The following SYNE2 variants were observed in gnomAD, a reference collection of about 807,000 sequenced individuals.
SYNE2 encodes spectrin repeat containing nuclear envelope protein 2, also known as nesprin-2.
A neutral mutation model predicts 856.3 loss-of-function variants in SYNE2; 431 were observed. The ratio of observed to expected loss-of-function variants is 0.50; its 90% CI spans 0.47 to 0.55. The LOEUF is 0.55. Among genes scored for constraint, SYNE2 ranks in the 20% least tolerant of loss-of-function variants. The pLI is 0.00. For missense variants in SYNE2, 8,129 were observed against 8,023.2 expected (o/e 1.01, Z -0.50); for synonymous variants, 2,923 against 2,872.3 (o/e 1.02, Z -0.56).
At chr14:63,776,960 GCAAA>G (rs949785138) in intron 1 of SYNE2, among the ~76,000 whole-genome samples, 2 of 152,152 alleles carry the variant, frequency 1.3e-5, no homozygotes, top group South Asian at 2.1e-4. Context: ...TCTTCTATAG[GCAAA>G]CAAACTAAAA....
chr14:63,890,309 T>A (rs1173221371), intron 1 of SYNE2, among the ~76,000 whole-genome samples: 1 of 152,038 alleles, frequency 6.6e-6, no homozygotes, highest in Non-Finnish European at 1.5e-5. Flanking sequence ...GTGATCCACC[T>A]GCCTCAGCCT....
intron 85 of SYNE2, among the ~76,000 whole-genome samples, chr14:64,155,344 G>C (rs2153707841): frequency 6.6e-6 from 1 of 152,102 alleles, no homozygotes; most frequent in Non-Finnish European, 1.5e-5. Context: ...GTGAGTGAAA[G>C]ACGCCAGTCA....
intron 2 of SYNE2, among the ~76,000 whole-genome samples, chr14:63,914,925 G>A (rs2095516787): frequency 6.6e-6 from 1 of 152,116 alleles, no homozygotes; most frequent in South Asian, 2.1e-4. Flanking sequence ...TTACAGGCAT[G>A]TGCCACCACG....
intron 1 of SYNE2, among the ~76,000 whole-genome samples, chr14:63,811,401 T>C (rs1461291226): frequency 6.6e-6 from 1 of 152,080 alleles, no homozygotes; most frequent in African/African-American, 2.4e-5. Context: ...CCCACAGGTG[T>C]GCATCACCAT....
At chr14:63,986,400 A>T in intron 18 of SYNE2, 56 bp from the exon 19 acceptor site, 1 of 1,597,038 alleles carries the variant, frequency 6.3e-7, no homozygotes, top group South Asian at 1.1e-5. Context: ...GAAAAGGAAA[A>T]TTATTTTGTT....
In SYNE2 at chr14:64,220,615, G is replaced by A. The variant is rs761684738; in HGVS notation, c.20039G>A (p.Arg6680Gln). 39 of 1,613,904 alleles carry A rather than the reference G, an allele frequency of 2.4e-5. No homozygotes were observed. The highest frequency in any genetic ancestry group is 3.0e-5 in the Non-Finnish European group (35 of 1,180,022). ...GAVDSWRGGL[R>Q]QSLMQCQDFH... ...GTGGACAGCTGGAGAGGGGGCTTAC[G>A]ACAGTCGCTCATGCAGTGCCAGGTA... The change falls in exon 111 of 116, where the codon CGA (arginine) becomes CAA (glutamine). Residue 6680 changes from arginine (R) to glutamine (Q), a missense_variant. Coordinates refer to ENST00000555002, the MANE Select transcript of SYNE2 (RefSeq NM_182914.3).
intron 1 of SYNE2, among the ~76,000 whole-genome samples, chr14:63,892,762 G>A (rs1412577020): frequency 1.4e-5 from 2 of 147,806 alleles, no homozygotes; most frequent in Non-Finnish European, 3.0e-5. Flanking sequence ...AGAGACAGGG[G>A]TCTCACTATG....
intron 99 of SYNE2, chr14:64,190,806 A>G (rs2098514725): frequency 1.5e-6 from 1 of 670,738 alleles, no homozygotes; most frequent in African/African-American, 1.8e-5. Context: ...AATCAAAGCT[A>G]TATTGGCCAG....
rs762466734 is a variant in SYNE2 at position 64,000,749 on chromosome 14, T to G, written c.3638+30T>G. 3 of 1,588,612 alleles carry G rather than the reference T, an allele frequency of 1.9e-6. No homozygotes were observed. The South Asian group carries it at 3.4e-5, about 18-fold the overall frequency. Reference sequence around the variant, plus strand: ...AATTCTGAGATCTATTAACTATGAATCTAATAAACTCACTAAATCCTGTAA... The same window carrying G: ...AATTCTGAGATCTATTAACTATGAAGCTAATAAACTCACTAAATCCTGTAA... On this transcript the variant is annotated intron_variant, in intron 28 of 115. Coordinates refer to ENST00000555002, the MANE Select transcript of SYNE2 (RefSeq NM_182914.3).
At chr14:63,915,502 T>A (rs1353302574) in intron 2 of SYNE2, among the ~76,000 whole-genome samples, 1 of 152,156 alleles carries the variant, frequency 6.6e-6, no homozygotes, top group Non-Finnish European at 1.5e-5. Flanking sequence ...ATACAGAATA[T>A]TATCATTAAT....
intron 112 of SYNE2, among the ~76,000 whole-genome samples, chr14:64,222,879 T>C (rs1247208471): frequency 6.6e-6 from 1 of 152,178 alleles, no homozygotes; most frequent in African/African-American, 2.4e-5. Context: ...TCCCTTTACT[T>C]CCTTCCGTGG....
At position 64,087,961 on chromosome 14, in the gene SYNE2, T is replaced by C. The variant is rs1385819063; in HGVS notation, c.11670+105T>C. On this transcript the variant is annotated intron_variant, in intron 58 of 115. Transcript: ENST00000555002. ...ACTTTGGGAGGCCAAGGCGGGTGGA[T>C]CACTTGAGGTCAGGAGTTCAAGACA... 8.3e-6 allele frequency: 10 copies of C among 1,199,928 alleles called. No individual in the cohort carries two copies. The East Asian group carries it at 2.6e-4, about 31-fold the overall frequency. 74.3% of individuals were successfully genotyped at this position (1,199,928 alleles called of 1,614,324 possible).
At chr14:63,992,866 C>T (rs1272635131) in intron 21 of SYNE2, among the ~76,000 whole-genome samples, 2 of 152,164 alleles carry the variant, frequency 1.3e-5, no homozygotes, top group African/African-American at 4.8e-5. Flanking sequence ...AGCATTGTGC[C>T]TTACCTGCAG....
chr14:64,178,898 C>T (rs2098446224), intron 96 of SYNE2, among the ~76,000 whole-genome samples: 1 of 151,958 alleles, frequency 6.6e-6, no homozygotes, highest in African/African-American at 2.4e-5. Context: ...AAGTGAGATC[C>T]CCATATGTAC....
At chr14:64,078,855 T>C (rs2097493493) in intron 55 of SYNE2, among the ~76,000 whole-genome samples, 1 of 152,176 alleles carries the variant, frequency 6.6e-6, no homozygotes. Flanking sequence ...GATGATCACT[T>C]GAGCCTAGGA....
chr14:64,079,789 G>C (rs987676796), intron 55 of SYNE2, among the ~76,000 whole-genome samples: 1 of 152,038 alleles, frequency 6.6e-6, no homozygotes, highest in Non-Finnish European at 1.5e-5. Flanking sequence ...ACTCACTTCA[G>C]CCTTGACCTC....
intron 1 of SYNE2, among the ~76,000 whole-genome samples, chr14:63,775,270 T>C (rs542815745): frequency 6.6e-6 from 1 of 151,278 alleles, no homozygotes; most frequent in Admixed American, 6.6e-5. Flanking sequence ...CCACCACTCT[T>C]GGCCTTTATT....
chr14:63,828,599 C>T (rs1034779076), intron 1 of SYNE2, among the ~76,000 whole-genome samples: 3 of 152,108 alleles, frequency 2.0e-5, no homozygotes, highest in African/African-American at 7.2e-5. Flanking sequence ...CAAAGTGAGA[C>T]CCCCGTCTAC....
chr14:63,800,264 C>A (rs937942557), intron 1 of SYNE2, among the ~76,000 whole-genome samples: 18 of 151,770 alleles, frequency 1.2e-4, no homozygotes, highest in Non-Finnish European at 2.4e-4. Flanking sequence ...CCTTCTGTTG[C>A]CCAGGCTGGA....
Sources: gnomAD v4.1 joint callset for allele counts (sites outside exome capture counted in the v4.1 genomes callset) on GRCh38, gnomAD v4.1.1 for gene constraint, MANE v1.5 for transcripts, NCBI Gene and HGNC (gene_info 2026-07-23, HGNC 2026-07-21) for gene names.